MTHFSD: variants seen among roughly 807,000 people sequenced by gnomAD.
The protein encoded by MTHFSD is methenyltetrahydrofolate synthase domain-containing protein.
MTHFSD carries 37 observed loss-of-function variants against 31.1 expected under a neutral mutation model. The observed-to-expected ratio is 1.19, with a 90% CI of 0.91 to 1.56. The LOEUF is 1.56. Ranked by LOEUF, MTHFSD falls within the 40% of genes most tolerant of loss-of-function variation. The pLI is 0.00. For synonymous variants in MTHFSD, 221 were observed against 206.9 expected, an observed-to-expected ratio of 1.07 and a Z score of -0.59; for missense variants, 664 against 510.1, an observed-to-expected ratio of 1.30 and a Z score of -2.91.
intron 7 of MTHFSD, among the ~76,000 whole-genome samples, chr16:86,535,976 A>C (rs1970637285): frequency 6.6e-6 from 1 of 152,112 alleles, no homozygotes; most frequent in African/African-American, 2.4e-5. Context: ...TTAGCCTCCC[A>C]AGTAGCTGGC....
chr16:86,554,215 T>G (rs538812605), intron 2 of MTHFSD, among the ~76,000 whole-genome samples: 1 of 152,306 alleles, frequency 6.6e-6, no homozygotes, highest in African/African-American at 2.4e-5. Flanking sequence ...TGCAACACTC[T>G]CTGCTAAGGT....
chr16:86,547,563 G>A, intron 4 of MTHFSD: 1 of 988,228 alleles, frequency 1.0e-6, no homozygotes, highest in Non-Finnish European at 1.2e-6. Flanking sequence ...GGCAGGCACT[G>A]ACCAACTGCA....
At position 86,552,155 on chromosome 16, in the gene MTHFSD, G is replaced by A; in HGVS notation, c.124-9C>T. Reference sequence around the variant, plus strand: ...CAAGCCAGATAAGACCCCTAGTTAGGCAAATAGACAGAGTTGCACTTACTT... The same window carrying A: ...CAAGCCAGATAAGACCCCTAGTTAGACAAATAGACAGAGTTGCACTTACTT... On this transcript the variant is annotated splice_polypyrimidine_tract_variant and intron_variant, in intron 2 of 7. Coordinates refer to ENST00000360900, the MANE Select transcript of MTHFSD (RefSeq NM_001159377.2). 1 of 1,614,166 alleles carries A rather than the reference G, an allele frequency of 6.2e-7. No individual in the cohort carries two copies. The highest frequency in any genetic ancestry group is 1.1e-5 in the South Asian group (1 of 91,086).
intron 5 of MTHFSD, among the ~76,000 whole-genome samples, chr16:86,544,434 C>G (rs1052659422): frequency 1.3e-5 from 2 of 152,202 alleles, no homozygotes; most frequent in African/African-American, 2.4e-5. Flanking sequence ...TGAACAGACA[C>G]TCCTCGAAAG....
intron 7 of MTHFSD, chr16:86,533,587 T>C (rs1016270060): frequency 2.6e-5 from 4 of 152,210 alleles, no homozygotes; most frequent in African/African-American, 9.6e-5. Context: ...GTTCAACTAG[T>C]ATCAATGCTC....
At chr16:86,552,209 G>C (rs566578154) in intron 2 of MTHFSD, 63 bp from the exon 3 acceptor site, 1 of 1,613,732 alleles carries the variant, frequency 6.2e-7, no homozygotes, top group East Asian at 2.2e-5. Context: ...CACTTTTCTG[G>C]GGGGCATCAG....
intron 7 of MTHFSD, chr16:86,533,552 G>C (rs1161687295): frequency 2.0e-5 from 3 of 152,216 alleles, no homozygotes; most frequent in Non-Finnish European, 4.4e-5. Flanking sequence ...CTAGACAACT[G>C]TAAATTGTTC....
chr16:86,532,504 C>G, intron 7 of MTHFSD, 23 bp from the exon 8 acceptor site: 1 of 1,392,074 alleles, frequency 7.2e-7, no homozygotes, highest in East Asian at 2.8e-5. Context: ...GCAGTTGCAG[C>G]TCTTTCAGGG....
At chr16:86,539,696 A>G (rs1346415450) in intron 7 of MTHFSD, among the ~76,000 whole-genome samples, 1 of 152,208 alleles carries the variant, frequency 6.6e-6, no homozygotes, top group Non-Finnish European at 1.5e-5. Flanking sequence ...CAGTAACTGC[A>G]CTCAAACAGA....
chr16:86,551,907 G>T, intron 3 of MTHFSD, 126 bp downstream of exon 3: 1 of 1,501,260 alleles, frequency 6.7e-7, no homozygotes, highest in Non-Finnish European at 8.9e-7. Flanking sequence ...GGCACTTTCT[G>T]TATTGGAGGG....
chr16:86,530,827 A>C lies in MTHFSD; in HGVS notation c.*1184T>G, dbSNP rs1969933572. 1 of 152,222 alleles carries C rather than the reference A, an allele frequency of 6.6e-6. No individual in the cohort carries two copies. The highest frequency in any genetic ancestry group is 6.5e-5 in the Admixed American group (1 of 15,288). 9.4% of individuals were successfully genotyped at this position (152,222 alleles called of 1,614,324 possible). A position where few individuals can be genotyped will look rare whatever the true frequency, so the allele number is the denominator to read the frequency against. ...CACAGAGGGCCGAGGGCCCAGGGCC[A>C]GGTGTGGCGCTTCCAGACGTTTCTA... On this transcript the variant is annotated 3_prime_UTR_variant, in exon 8 of 8. Coordinates refer to ENST00000360900, the MANE Select transcript of MTHFSD (RefSeq NM_001159377.2).
At chr16:86,536,396 C>G (rs1215038718) in intron 7 of MTHFSD, among the ~76,000 whole-genome samples, 1 of 152,208 alleles carries the variant, frequency 6.6e-6, no homozygotes, top group Admixed American at 6.5e-5. Flanking sequence ...TGCTGGCTCT[C>G]TAAGGGCAGA....
At chr16:86,534,098 G>A (rs1304952050) in intron 7 of MTHFSD, among the ~76,000 whole-genome samples, 1 of 152,236 alleles carries the variant, frequency 6.6e-6, no homozygotes, top group Non-Finnish European at 1.5e-5. Context: ...ACTCTGCAAA[G>A]AAAGACTTGC....
chr16:86,550,715 T>G (rs1973022206), intron 3 of MTHFSD, among the ~76,000 whole-genome samples: 1 of 152,258 alleles, frequency 6.6e-6, no homozygotes, highest in Non-Finnish European at 1.5e-5. Flanking sequence ...TTGCTACTGC[T>G]GCTATTACTA....
At chr16:86,549,780 C>G (rs1972869904) in intron 3 of MTHFSD, among the ~76,000 whole-genome samples, 1 of 152,262 alleles carries the variant, frequency 6.6e-6, no homozygotes, top group African/African-American at 2.4e-5. Context: ...GCAAGTGGCA[C>G]CTAAGCCAGT....
intron 7 of MTHFSD, chr16:86,535,393 C>G (rs981402567): frequency 2.0e-6 from 2 of 985,290 alleles, no homozygotes; most frequent in Non-Finnish European, 2.4e-6. Context: ...CCTGCCACAG[C>G]TGACAAGAAA....
chr16:86,530,844 A>T lies in MTHFSD; in HGVS notation c.*1167T>A, dbSNP rs1969935093. ...CCAGGGCCAGGTGTGGCGCTTCCAG[A>T]CGTTTCTACTCTCTCATTTTATTCA... On this transcript the variant is annotated 3_prime_UTR_variant, in exon 8 of 8. Transcript: ENST00000360900. 6.6e-6 allele frequency: 1 copy of T among 152,156 alleles called. No individual in the cohort carries two copies. Among genetic ancestry groups the T allele is most frequent in the Non-Finnish European group, 1.5e-5 (1 of 68,038 alleles). The allele number at this position is 152,156 out of a possible 1,614,324, so 9.4% of individuals were successfully genotyped here. A position where few individuals can be genotyped will look rare whatever the true frequency, so the allele number is the denominator to read the frequency against.
At position 86,530,723 on chromosome 16, in the gene MTHFSD, A is replaced by G. The variant is rs929147902; in HGVS notation, c.*1288T>C. The G allele has an allele frequency of 1.3e-5, 2 of 152,220 alleles. No homozygotes were observed. Among genetic ancestry groups the G allele is most frequent in the Non-Finnish European group, 2.9e-5 (2 of 68,052 alleles). The allele number at this position is 152,220 out of a possible 1,614,324, so 9.4% of individuals were successfully genotyped here. A position where few individuals can be genotyped will look rare whatever the true frequency, so the allele number is the denominator to read the frequency against. ...ACCAGGTGACTACTCTGAACTGGGGACTGAGTCAGCCTCTGACGCTGAGCT... is the reference window on the plus strand; with the variant it reads ...ACCAGGTGACTACTCTGAACTGGGGGCTGAGTCAGCCTCTGACGCTGAGCT... On this transcript the variant is annotated 3_prime_UTR_variant, in exon 8 of 8. Coordinates refer to ENST00000360900, the MANE Select transcript of MTHFSD (RefSeq NM_001159377.2).
At chr16:86,544,937 T>C (rs1972061795) in intron 5 of MTHFSD, among the ~76,000 whole-genome samples, 1 of 152,192 alleles carries the variant, frequency 6.6e-6, no homozygotes, top group Admixed American at 6.5e-5. Context: ...AACATTATCC[T>C]CAGCAAACGA....
Sources: gnomAD v4.1 joint callset for allele counts (sites outside exome capture counted in the v4.1 genomes callset) on GRCh38, gnomAD v4.1.1 for gene constraint, MANE v1.5 for transcripts, NCBI Gene and HGNC (gene_info 2026-07-23, HGNC 2026-07-21) for gene names.